Variants in RCN2 observed in about 807,000 individuals in gnomAD.
RCN2 encodes reticulocalbin-2.
In RCN2, 23 loss-of-function variants were observed where a neutral mutation model predicts 37.5. The ratio of observed to expected loss-of-function variants is 0.61; its 90% CI spans 0.44 to 0.87. The LOEUF (loss-of-function observed/expected upper bound fraction) is 0.87, where lower values mean the gene tolerates loss of function less well. RCN2 is among the 40% of genes least tolerant of loss of function. RCN2 has a pLI of 0.00. For synonymous variants in RCN2, 140 were observed against 144.6 expected (o/e 0.97, Z 0.23); for missense variants, 381 against 390.4 (o/e 0.98, Z 0.20).
At chr15:76,944,558 G>A (rs999865603) in intron 4 of RCN2, among the ~76,000 whole-genome samples, 13 of 151,872 alleles carry the variant, frequency 8.6e-5, no homozygotes, top group African/African-American at 3.1e-4. Context: ...ATCTTCTACC[G>A]TCTATGTCCA....
At chr15:76,932,493 A>G (rs1440753922) in intron 2 of RCN2, 27 bp downstream of exon 2, 3 of 1,429,952 alleles carry the variant, frequency 2.1e-6, no homozygotes, top group African/African-American at 1.4e-5. Flanking sequence ...ACGACTAACA[A>G]TGGAGACAAA....
chr15:76,931,863 G>A lies in RCN2; in HGVS notation c.22G>A (p.Ala8Thr). The A allele has an allele frequency of 7.8e-7, 1 of 1,281,918 alleles. No homozygotes were observed. The allele number at this position is 1,281,918 out of a possible 1,614,324, so 79.4% of individuals were successfully genotyped here. A position where few individuals can be genotyped will look rare whatever the true frequency, so the allele number is the denominator to read the frequency against. ...CGCGATGCGGCTGGGCCCGAGGACC[G>A]CGGCGTTGGGGCTGCTGCTGCTGTG... MRLGPRT[A>T]ALGLLLLCAA... Residue 8 changes from alanine (A) to threonine (T), a missense_variant, in exon 1 of 7, where the codon GCG becomes ACG. By Grantham distance (58) the Ala-to-Thr change is moderately conservative. Transcript: ENST00000394885.
rs67783519 is a variant in RCN2 at position 76,950,386 on chromosome 15, C to CTTTTTTTTTT, written c.*1175_*1184dup. On this transcript the variant is annotated 3_prime_UTR_variant, in exon 7 of 7. Transcript: ENST00000394885. ...TGATGTACAGAGATTGTTTTTCATTCTTTTTTTTTTTTTTTTTTTTGTGAC... is the reference window on the plus strand; with the variant it reads ...TGATGTACAGAGATTGTTTTTCATTCTTTTTTTTTTTTTTTTTTTTTTTTTTTTTTGTGAC... The CTTTTTTTTTT allele has an allele frequency of 9.5e-6, 1 of 105,464 alleles. No homozygotes were observed. The highest frequency in any genetic ancestry group is 1.9e-5 in the Non-Finnish European group (1 of 53,654). 6.5% of individuals were successfully genotyped at this position (105,464 alleles called of 1,614,324 possible).
At chr15:76,940,313 AT>A (rs1408033744) in intron 3 of RCN2, among the ~76,000 whole-genome samples, 21 of 152,022 alleles carry the variant, frequency 1.4e-4, no homozygotes, top group African/African-American at 3.9e-4. Flanking sequence ...AAAAAAAAAA[AT>A]AACGTCCTAA....
rs60194309 is a variant in RCN2 at position 76,954,039 on chromosome 15, G to GTTTTTTTTTTTTTTTT, written c.*4830_*4831insTTTTTTTTTTTTTTTT. The GTTTTTTTTTTTTTTTT allele has an allele frequency of 7.6e-6, 1 of 131,000 alleles. No homozygotes were observed. The highest frequency in any genetic ancestry group is 1.6e-5 in the Non-Finnish European group (1 of 62,440). 8.1% of individuals were successfully genotyped at this position (131,000 alleles called of 1,614,324 possible). A position where few individuals can be genotyped will look rare whatever the true frequency, so the allele number is the denominator to read the frequency against. On this transcript the variant is annotated 3_prime_UTR_variant, in exon 7 of 7. Coordinates refer to ENST00000394885, the MANE Select transcript of RCN2 (RefSeq NM_002902.3). ...TCCTTACCAACACTTGCTATTTTCT[G>GTTTTTTTTTTTTTTTT]TTTTTTTTTTTTTCTTTTTTTTTTT...
At chr15:76,946,283 T>C (rs2075296330) in intron 4 of RCN2, among the ~76,000 whole-genome samples, 1 of 151,622 alleles carries the variant, frequency 6.6e-6, no homozygotes, top group Non-Finnish European at 1.5e-5. Flanking sequence ...TAGCAGACCT[T>C]GTCTCTACAA....
chr15:76,947,756 C>A, intron 5 of RCN2: 1 of 411,822 alleles, frequency 2.4e-6, no homozygotes, highest in Non-Finnish European at 4.3e-6. Flanking sequence ...TCTTTTCAAA[C>A]AAATCTAATT....
At chr15:76,946,054 ACGG>A (rs1473996439) in intron 4 of RCN2, among the ~76,000 whole-genome samples, 1 of 152,246 alleles carries the variant, frequency 6.6e-6, no homozygotes, top group Non-Finnish European at 1.5e-5. Context: ...ATAATGTGAT[ACGG>A]CCCAGAGTTC....
rs762266045 is a variant in RCN2, at chr15:76,941,628, T to A, written c.448-2130T>A. ...ATGAAACTGACCATCTTTTTTGTTA[T>A]TTTTTTAGGAATTTGCCATTTGTAA... On this transcript the variant is annotated intron_variant, in intron 3 of 6. Coordinates refer to ENST00000394885, the MANE Select transcript of RCN2 (RefSeq NM_002902.3). 2.9e-5 allele frequency: 42 copies of A among 1,454,502 alleles called. 1 individual carries two copies. In the South Asian group the frequency reaches 5.7e-4, roughly 20 times the overall value. The allele number at this position is 1,454,502 out of a possible 1,614,324, so 90.1% of individuals were successfully genotyped here. A position where few individuals can be genotyped will look rare whatever the true frequency, so the allele number is the denominator to read the frequency against.
Position 76,951,606 on chromosome 15 carries a change from G to A in RCN2, c.*2384G>A, listed in dbSNP as rs2075321069. 1 of 152,120 alleles carries A rather than the reference G, an allele frequency of 6.6e-6. No individual in the cohort carries two copies. The highest frequency in any genetic ancestry group is 1.5e-5 in the Non-Finnish European group (1 of 68,010). The allele number at this position is 152,120 out of a possible 1,614,324, so 9.4% of individuals were successfully genotyped here. On this transcript the variant is annotated 3_prime_UTR_variant, in exon 7 of 7. Coordinates refer to ENST00000394885, the MANE Select transcript of RCN2 (RefSeq NM_002902.3). ...AGAAAAAGAATCATCTGCTTGAACAGAGATGCTATATCTACTGCTGAGTCA... is the reference window on the plus strand; with the variant it reads ...AGAAAAAGAATCATCTGCTTGAACAAAGATGCTATATCTACTGCTGAGTCA...
chr15:76,948,637 A>G, intron 6 of RCN2, 85 bp downstream of exon 6: 1 of 1,328,816 alleles, frequency 7.5e-7, no homozygotes, highest in South Asian at 1.7e-5. Flanking sequence ...CAAAATCTTA[A>G]GCCAAAGAAA....
intron 4 of RCN2, among the ~76,000 whole-genome samples, chr15:76,945,026 G>A (rs2075291472): frequency 6.6e-6 from 1 of 152,200 alleles, no homozygotes; most frequent in Non-Finnish European, 1.5e-5. Context: ...TCATTAAGTT[G>A]TTAAAATGAA....
chr15:76,938,129 T>C (rs1479236824), intron 3 of RCN2, among the ~76,000 whole-genome samples: 4 of 152,184 alleles, frequency 2.6e-5, no homozygotes, highest in Non-Finnish European at 4.4e-5. Context: ...AAATCAAACA[T>C]GCTGTTGCAA....
intron 4 of RCN2, among the ~76,000 whole-genome samples, chr15:76,944,336 T>A (rs1033118052): frequency 1.3e-5 from 2 of 152,092 alleles, no homozygotes; most frequent in Non-Finnish European, 1.5e-5. Context: ...GACAATGAGG[T>A]ATCCATCCCC....
In RCN2 at chr15:76,935,660, C is replaced by G; in HGVS notation, c.385C>G (p.Arg129Gly). The change falls in exon 3 of 7, where the codon CGT becomes GGT. Residue 129 changes from arginine to glycine, a missense_variant. Physicochemically the swap from Arg to Gly is moderately radical, Grantham distance 125. Transcript: ENST00000394885. ...WDEYNIQMYD[R>G]VIDFDENTAL... ...TGAATATAACATTCAGATGTATGAT[C>G]GTGTGATTGACTTTGATGAGAACAC... 6.2e-7 allele frequency: 1 copy of G among 1,613,884 alleles called. No individual in the cohort carries two copies.
chr15:76,949,443 A>G lies in RCN2; in HGVS notation c.*221A>G. On this transcript the variant is annotated 3_prime_UTR_variant, in exon 7 of 7. Coordinates refer to ENST00000394885, the MANE Select transcript of RCN2 (RefSeq NM_002902.3). ...AGCAACAAAATATTAATATTGTGCC[A>G]TATGACAACAAAGTCTTTCCTAAAT... 2.7e-6 allele frequency: 1 copy of G among 364,170 alleles called. No homozygotes were observed. The highest frequency in any genetic ancestry group is 4.9e-6 in the Non-Finnish European group (1 of 204,408). 22.6% of individuals were successfully genotyped at this position (364,170 alleles called of 1,614,324 possible).
intron 4 of RCN2, among the ~76,000 whole-genome samples, chr15:76,946,949 C>T (rs78710648): frequency 0.012 from 1,762 of 152,154 alleles, 23 homozygotes; most frequent in African/African-American, 0.039. Context: ...TAATGGCGGG[C>T]TGGTACATTT....
In RCN2 at chr15:76,947,447, A is replaced by G. The variant is rs2075300977; in HGVS notation, c.588A>G (p.Glu196=). ...AATTTGTCATTCAAGAAGCTTTAGA[A>G]GAACATGACAAAAATGGTGATGGAT... is the stretch of plus-strand genomic sequence containing the variant. The part of the protein sequence containing the change: ...MTEFVIQEAL[E]EHDKNGDGFV... Residue 196 remains glutamate, a synonymous_variant, in exon 5 of 7, where the codon GAA becomes GAG. Coordinates refer to ENST00000394885, the MANE Select transcript of RCN2 (RefSeq NM_002902.3). 1 of 1,606,396 alleles carries G rather than the reference A, an allele frequency of 6.2e-7. No individual in the cohort carries two copies. Among genetic ancestry groups the G allele is most frequent in the Admixed American group, 1.7e-5 (1 of 58,238 alleles).
intron 2 of RCN2, among the ~76,000 whole-genome samples, chr15:76,935,107 G>A (rs543184426): frequency 2.4e-4 from 37 of 152,230 alleles, no homozygotes; most frequent in Admixed American, 3.9e-4. Context: ...GGTGGATCAC[G>A]AGGTCAGGAG....
Sources: gnomAD v4.1 joint callset for allele counts (sites outside exome capture counted in the v4.1 genomes callset) on GRCh38, gnomAD v4.1.1 for gene constraint, MANE v1.5 for transcripts, NCBI Gene and HGNC (gene_info 2026-07-23, HGNC 2026-07-21) for gene names.